PATL1: variants seen among roughly 807,000 people sequenced by gnomAD.
PATL1 encodes the protein PAT1 homolog 1, processing body mRNA decay factor.
Under a neutral mutation model 100.6 loss-of-function variants are expected in PATL1, and 32 were observed. The ratio of observed to expected loss-of-function variants is 0.32; its 90% confidence interval spans 0.24 to 0.43. The LOEUF (loss-of-function observed/expected upper bound fraction) is 0.43, where lower values mean the gene tolerates loss of function less well. Among genes scored for constraint, PATL1 ranks in the 20% least tolerant of loss-of-function variants. The pLI is 1.00. For synonymous variants in PATL1, 332 were observed against 330.0 expected (o/e 1.01, Z -0.07); for missense variants, 747 against 949.9 (o/e 0.79, Z 2.81).
chr11:59,648,300 C>T (rs1329905277), intron 14 of PATL1, among the ~76,000 whole-genome samples: 6 of 150,554 alleles, frequency 4.0e-5, no homozygotes, highest in Non-Finnish European at 8.9e-5. Flanking sequence ...ATTCTCCTGC[C>T]TCAGTCTCCT....
chr11:59,649,509 A>C lies in PATL1; in HGVS notation c.1686T>G (p.Ile562Met). 1 of 1,613,878 alleles carries C rather than the reference A, an allele frequency of 6.2e-7. No homozygotes were observed. The highest frequency in any genetic ancestry group is 8.5e-7 in the Non-Finnish European group (1 of 1,179,870). ...PALMDDRKHK[I>M]CSMYDNLRGK... ...CCCTTAAGTTGTCATACATGCTACA[A>C]ATTTTGTGCTTTCTGTCATCCATTA... is the stretch of plus-strand genomic sequence containing the variant. The change falls in exon 14 of 19, where the codon ATT becomes ATG. Residue 562 changes from isoleucine to methionine, a missense_variant. Ile to Met is a conservative substitution (Grantham distance 10, BLOSUM62 1). Transcript: ENST00000300146.
intron 18 of PATL1, 145 bp downstream of exon 18, chr11:59,638,903 G>C (rs1454133486): frequency 5.4e-6 from 5 of 924,418 alleles, no homozygotes; most frequent in Non-Finnish European, 7.9e-6. Context: ...GGCTGGTCTG[G>C]AACTCCTGGC....
At chr11:59,667,007 C>A in intron 1 of PATL1, 43 bp from the exon 2 acceptor site, 1 of 1,520,518 alleles carries the variant, frequency 6.6e-7, no homozygotes, top group South Asian at 1.3e-5. Context: ...GAAATTCACA[C>A]CCTCATTTTA....
chr11:59,642,966 G>C lies in PATL1; in HGVS notation c.1963C>G (p.Leu655Val). 1 of 1,613,994 alleles carries C rather than the reference G, an allele frequency of 6.2e-7. No homozygotes were observed. The highest frequency in any genetic ancestry group is 2.2e-5 in the East Asian group (1 of 44,876). Reference sequence around the variant, plus strand: ...GGTAGGTTCATTAGCTGTCGCAAAAGGCTGGTGATACTCACTGATGGAAGA... The same window carrying C: ...GGTAGGTTCATTAGCTGTCGCAAAACGCTGGTGATACTCACTGATGGAAGA... The part of the protein sequence containing the change: ...YHLPSVSITS[L>V]LRQLMNLPQS... The change falls in exon 16 of 19, where the codon CTT becomes GTT. Residue 655 changes from leucine (L) to valine (V), a missense_variant. Physicochemically the swap from Leu to Val is conservative, Grantham distance 32. Around this residue, in one of 4 missense-constraint regions of PATL1, gnomAD observed 434 missense variants for 596.1 expected, o/e 0.73. Coordinates refer to ENST00000300146, the MANE Select transcript of PATL1 (RefSeq NM_152716.3).
chr11:59,641,914 A>G (rs952133119), intron 16 of PATL1, among the ~76,000 whole-genome samples: 17 of 152,330 alleles, frequency 1.1e-4, no homozygotes, highest in Admixed American at 4.6e-4. Context: ...TGACCTTTAG[A>G]GTCATGCTTT....
At chr11:59,649,665 A>AGGACTGTG (rs564778971) in intron 13 of PATL1, 55 bp from the exon 14 acceptor site, 3 of 1,546,288 alleles carry the variant, frequency 1.9e-6, no homozygotes, top group Non-Finnish European at 8.8e-7. Flanking sequence ...CCACAGTATT[A>AGGACTGTG]GTTAAACAAT....
chr11:59,652,874 T>C lies in PATL1; in HGVS notation c.1266A>G (p.Gln422=). Residue 422 remains glutamine, a synonymous_variant, in exon 10 of 19, where the codon CAA becomes CAG. Coordinates refer to ENST00000300146, the MANE Select transcript of PATL1 (RefSeq NM_152716.3). ...WVSKIQMMQL[Q]STDPYLDDFY... is the part of the protein sequence containing the mutation. ...AATCATCCAGGTAGGGATCAGTGCTTTGCAGTTGCATCATCTGGATTTTAG... is the reference window on the plus strand; with the variant it reads ...AATCATCCAGGTAGGGATCAGTGCTCTGCAGTTGCATCATCTGGATTTTAG... 1 of 1,613,898 alleles carries C rather than the reference T, an allele frequency of 6.2e-7. No individual in the cohort carries two copies. The highest frequency in any genetic ancestry group is 8.5e-7 in the Non-Finnish European group (1 of 1,179,884).
chr11:59,639,278 C>A lies in PATL1; in HGVS notation c.2141+14G>T, dbSNP rs1261636608. 1.9e-6 allele frequency: 3 copies of A among 1,558,940 alleles called. No homozygotes were observed. Among genetic ancestry groups the A allele is most frequent in the Non-Finnish European group, 2.6e-6 (3 of 1,151,094 alleles). ...AAAGAACTTAAAATAAGAGAAGAAACAGTCCACACTGACCACTGATTATTT... is the reference window on the plus strand; with the variant it reads ...AAAGAACTTAAAATAAGAGAAGAAAAAGTCCACACTGACCACTGATTATTT... On this transcript the variant is annotated intron_variant, in intron 17 of 18. Transcript: ENST00000300146.
Position 59,657,597 on chromosome 11 carries a change from G to A in PATL1, c.554C>T (p.Pro185Leu). 1 of 1,612,612 alleles carries A rather than the reference G, an allele frequency of 6.2e-7. No homozygotes were observed. The highest frequency in any genetic ancestry group is 8.5e-7 in the Non-Finnish European group (1 of 1,179,818). The change falls in exon 5 of 19, where the codon CCT becomes CTT. Residue 185 changes from proline to leucine, a missense_variant. Physicochemically the swap from Pro to Leu is moderately conservative, Grantham distance 98. Coordinates refer to ENST00000300146, the MANE Select transcript of PATL1 (RefSeq NM_152716.3). ...RRSTSPIIGSPPVRAVPIGTP... is the reference protein window; with the variant it reads ...RRSTSPIIGSLPVRAVPIGTP... ...GCCTATGGGGACAGCTCTAACAGGA[G>A]GACTGCCAATGATAGGTGAAGTTGA... is the stretch of plus-strand genomic sequence containing the variant.
Position 59,666,840 on chromosome 11 carries a change from A to C in PATL1, c.127+13T>G. ...AGGCTAAGATGATATTATAAGCGAA[A>C]GATGTCACTTACCAACTGCACCTGA... is the stretch of plus-strand genomic sequence containing the variant. On this transcript the variant is annotated intron_variant, in intron 2 of 18. Coordinates refer to ENST00000300146, the MANE Select transcript of PATL1 (RefSeq NM_152716.3). The C allele has an allele frequency of 1.9e-6, 3 of 1,546,466 alleles. No individual in the cohort carries two copies. The highest frequency in any genetic ancestry group is 2.6e-6 in the Non-Finnish European group (3 of 1,145,714).
intron 2 of PATL1, among the ~76,000 whole-genome samples, chr11:59,666,583 TA>T (rs1311260351): frequency 6.6e-6 from 1 of 152,156 alleles, no homozygotes; most frequent in Non-Finnish European, 1.5e-5. Flanking sequence ...GAATCCCTCA[TA>T]GGGGCAACCT....
chr11:59,637,238 A>G lies in PATL1; in HGVS notation c.*1152T>C, dbSNP rs957450078. 9 of 152,326 alleles carry G rather than the reference A, an allele frequency of 5.9e-5. No homozygotes were observed. The highest frequency in any genetic ancestry group is 1.5e-5 in the Non-Finnish European group (1 of 68,026). 9.4% of individuals were successfully genotyped at this position (152,326 alleles called of 1,614,324 possible). A position where few individuals can be genotyped will look rare whatever the true frequency, so the allele number is the denominator to read the frequency against. Reference sequence around the variant, plus strand: ...GTTGATTGCTGAATGGGAGAGGAGTAAGTGAGAAAGATCATGGCAGGCTGG... The same window carrying G: ...GTTGATTGCTGAATGGGAGAGGAGTGAGTGAGAAAGATCATGGCAGGCTGG... On this transcript the variant is annotated 3_prime_UTR_variant, in exon 19 of 19. Transcript: ENST00000300146.
rs1376080606 is a variant in PATL1 at position 59,638,068 on chromosome 11, T to C, written c.*322A>G. 5.7e-6 allele frequency: 2 copies of C among 347,968 alleles called. No individual in the cohort carries two copies. The highest frequency in any genetic ancestry group is 4.1e-5 in the South Asian group (1 of 24,506). 21.6% of individuals were successfully genotyped at this position (347,968 alleles called of 1,614,324 possible). On this transcript the variant is annotated 3_prime_UTR_variant, in exon 19 of 19. Transcript: ENST00000300146. Reference sequence around the variant, plus strand: ...GGCTACAATCTACTCTGAGGTGGAGTAGTGGAGGGATAAAGGGAGAGATTA... The same window carrying C: ...GGCTACAATCTACTCTGAGGTGGAGCAGTGGAGGGATAAAGGGAGAGATTA...
At chr11:59,656,371 AG>A in intron 6 of PATL1, 127 bp downstream of exon 6, 1 of 780,650 alleles carries the variant, frequency 1.3e-6, no homozygotes, top group Non-Finnish European at 2.0e-6. Context: ...CAGCAATTTA[AG>A]TAAGGAGATT....
chr11:59,659,266 T>G lies in PATL1; in HGVS notation c.331A>C (p.Arg111=), dbSNP rs1439298595. Residue 111 remains arginine (R), a synonymous_variant, in exon 3 of 19, where the codon AGG becomes CGG. Transcript: ENST00000300146. ...AACTTACTTACTTGTAAAACTGGCC[T>G]GGTCTGCACTGCCCTCATAATAGCT... ...DPAIMRAVQT[R]PVLQPQPGSL... 4 of 1,551,342 alleles carry G rather than the reference T, an allele frequency of 2.6e-6. No homozygotes were observed. The East Asian group carries it at 9.8e-5, about 38-fold the overall frequency.
intron 5 of PATL1, 90 bp from the exon 6 acceptor site, chr11:59,656,690 C>G (rs983848291): frequency 4.4e-6 from 5 of 1,126,120 alleles, no homozygotes; most frequent in Non-Finnish European, 6.5e-6. Flanking sequence ...GGTAGAGACA[C>G]GAACTCAATG....
rs957819969 is a variant in PATL1 at position 59,668,959 on chromosome 11, C to T, written c.-64G>A. ...GGAGGGAGGGAAGAAGCGCTGACTC[C>T]CCGGCTCCTCCGCGCGCGGGTCCTC... On this transcript the variant is annotated 5_prime_UTR_variant, in exon 1 of 19. Transcript: ENST00000300146. 9 of 348,134 alleles carry T rather than the reference C, an allele frequency of 2.6e-5. No individual in the cohort carries two copies. The highest frequency in any genetic ancestry group is 1.1e-4 in the African/African-American group (5 of 45,744). 21.6% of individuals were successfully genotyped at this position (348,134 alleles called of 1,614,324 possible). A position where few individuals can be genotyped will look rare whatever the true frequency, so the allele number is the denominator to read the frequency against.
chr11:59,659,037 C>T lies in PATL1; in HGVS notation c.346-91G>A, dbSNP rs1861589676. ...CTGGGGAACAAGGTTCCAAAAGAGC[C>T]TCAAGCTGCTTTAGAATACGAAATT... On this transcript the variant is annotated intron_variant, in intron 3 of 18. Transcript: ENST00000300146. 1.7e-5 allele frequency: 20 copies of T among 1,208,264 alleles called. No individual in the cohort carries two copies. In the South Asian group the frequency reaches 2.8e-4, roughly 17 times the overall value. The allele number at this position is 1,208,264 out of a possible 1,614,324, so 74.8% of individuals were successfully genotyped here. A position where few individuals can be genotyped will look rare whatever the true frequency, so the allele number is the denominator to read the frequency against.
intron 3 of PATL1, 47 bp from the exon 4 acceptor site, chr11:59,658,993 C>T (rs1452395842): frequency 2.0e-6 from 3 of 1,465,828 alleles, no homozygotes; most frequent in Admixed American, 4.7e-5. Context: ...TGTATACTCT[C>T]TGGGTGACTT....
Sources: allele counts gnomAD v4.1 joint callset (sites outside exome capture counted in the v4.1 genomes callset), GRCh38; gene constraint gnomAD v4.1.1; regional missense constraint gnomAD v4.1.1; transcripts MANE v1.5; gene names NCBI Gene and HGNC (gene_info 2026-07-23, HGNC 2026-07-21).